Variants in CD83 observed in about 807,000 individuals in gnomAD.
CD83 encodes CD83 molecule.
A neutral mutation model predicts 24.6 loss-of-function variants in CD83; 22 were observed. That is an observed-to-expected ratio of 0.90 (90% confidence interval 0.64 to 1.28). The LOEUF (loss-of-function observed/expected upper bound fraction) is 1.28. Ranked by LOEUF, CD83 falls within the 50% of genes most tolerant of loss-of-function variation. CD83 has a pLI of 0.00. For missense variants in CD83, 253 were observed against 252.8 expected, an observed-to-expected ratio of 1.00 and a Z score of -0.01; for synonymous variants, 101 against 103.5, an observed-to-expected ratio of 0.98 and a Z score of 0.14.
At chr6:14,118,606 T>C in intron 2 of CD83, among the ~76,000 whole-genome samples, 1 of 152,196 alleles carries the variant, frequency 6.6e-6, no homozygotes, top group East Asian at 1.9e-4. Flanking sequence ...CTTTGTGGGA[T>C]ACCCTTGGCT....
At chr6:14,119,451 A>G (rs763694547) in intron 2 of CD83, among the ~76,000 whole-genome samples, 10 of 152,240 alleles carry the variant, frequency 6.6e-5, no homozygotes, top group South Asian at 2.1e-4. Context: ...ATATTTACAT[A>G]CATTATCCAT....
intron 2 of CD83, among the ~76,000 whole-genome samples, chr6:14,127,454 A>T (rs1759845750): frequency 6.6e-6 from 1 of 151,944 alleles, no homozygotes; most frequent in Non-Finnish European, 1.5e-5. Flanking sequence ...AAAAAAAAAC[A>T]CTTTCCACAA....
rs1021637656 is a variant in CD83, at chr6:14,129,181, A to G, written c.154-2339A>G. On this transcript the variant is annotated intron_variant, in intron 2 of 4. Coordinates refer to ENST00000379153, the MANE Select transcript of CD83 (RefSeq NM_004233.4). The surrounding 1 kb of genome is among the most constrained non-coding windows in gnomAD (Gnocchi z 4.3). ...CTCGCATTTGGAGGTTAATTTAGAA[A>G]AAGAAAAGCAAGATTGGACATCGGA... Among the ~76,000 whole-genome samples the G allele has an allele frequency of 6.6e-6, 1 of 152,194 alleles. No individual in the cohort carries two copies. Among genetic ancestry groups the G allele is most frequent in the Non-Finnish European group, 1.5e-5 (1 of 68,024 alleles).
rs1757977128 is a variant in CD83, at chr6:14,133,642, T to C, written c.383-7T>C. ...AATGGCTTCACATGTCGCTTACTTT[T>C]TTAAAGGATGCCCTGCACAGCGTAA... On this transcript the variant is annotated splice_region_variant and splice_polypyrimidine_tract_variant and intron_variant, in intron 3 of 4. Coordinates refer to ENST00000379153, the MANE Select transcript of CD83 (RefSeq NM_004233.4). The C allele has an allele frequency of 4.4e-6, 7 of 1,575,654 alleles. No homozygotes were observed. The highest frequency in any genetic ancestry group is 5.2e-6 in the Non-Finnish European group (6 of 1,160,112).
At chr6:14,131,913 G>A (rs193172464) in intron 3 of CD83, among the ~76,000 whole-genome samples, 165 bp downstream of exon 3, 2 of 152,312 alleles carry the variant, frequency 1.3e-5, no homozygotes, top group Non-Finnish European at 1.5e-5. Flanking sequence ...TTCTCTTTCT[G>A]TGGCTTAAAT....
intron 2 of CD83, among the ~76,000 whole-genome samples, chr6:14,128,345 C>T (rs1296806051): frequency 6.6e-6 from 1 of 152,194 alleles, no homozygotes; most frequent in East Asian, 1.9e-4. Context: ...CCATTCTGAG[C>T]ATGCAACATT....
rs761232639 is a variant in CD83, at chr6:14,135,255, C to A, written c.*19C>A. On this transcript the variant is annotated 3_prime_UTR_variant, in exon 5 of 5. Coordinates refer to ENST00000379153, the MANE Select transcript of CD83 (RefSeq NM_004233.4). ...GGTATGAGCAGGATTTCTGCAGGTT[C>A]TTCTTCCTGAAGCTGAGGCTCAGGG... 38 of 1,612,178 alleles carry A rather than the reference C, an allele frequency of 2.4e-5. No individual in the cohort carries two copies. The East Asian group carries it at 8.3e-4, about 35-fold the overall frequency.
At chr6:14,123,326 T>C (rs1759714815) in intron 2 of CD83, among the ~76,000 whole-genome samples, 1 of 152,112 alleles carries the variant, frequency 6.6e-6, no homozygotes, top group Non-Finnish European at 1.5e-5. Flanking sequence ...CTCGAGCTCC[T>C]GACCTCAGGT....
At chr6:14,131,882 C>T (rs374088981) in intron 3 of CD83, 134 bp downstream of exon 3, 18 of 637,776 alleles carry the variant, frequency 2.8e-5, no homozygotes, top group African/African-American at 2.7e-4. Context: ...AGTGGAAATC[C>T]GCTGCAAGCA....
chr6:14,124,658 T>C (rs1759744554), intron 2 of CD83, among the ~76,000 whole-genome samples: 1 of 152,128 alleles, frequency 6.6e-6, no homozygotes, highest in African/African-American at 2.4e-5. Flanking sequence ...TTAGGAGTCT[T>C]TCAGTTGTGA....
At chr6:14,119,861 G>A (rs116178889) in intron 2 of CD83, among the ~76,000 whole-genome samples, 68 of 152,328 alleles carry the variant, frequency 4.5e-4, no homozygotes, top group African/African-American at 1.5e-3. Context: ...TTCAGGCTGT[G>A]AAGTTCAAAC....
In CD83 at chr6:14,133,664, G is replaced by T. The variant is rs180756952; in HGVS notation, c.398G>T (p.Arg133Leu). The T allele has an allele frequency of 6.2e-7, 1 of 1,612,340 alleles. No homozygotes were observed. The highest frequency in any genetic ancestry group is 8.5e-7 in the Non-Finnish European group (1 of 1,178,726). Reference sequence around the variant, plus strand: ...TTTTTTAAAGGATGCCCTGCACAGCGTAAAGAAGAGACTTTTAAGAAATAC... The same window carrying T: ...TTTTTTAAAGGATGCCCTGCACAGCTTAAAGAAGAGACTTTTAAGAAATAC... The part of the protein sequence containing the change: ...ILRVTGCPAQ[R>L]KEETFKKYRA... The change falls in exon 4 of 5, where the codon CGT (arginine) becomes CTT (leucine). Residue 133 changes from arginine to leucine, a missense_variant. Arg to Leu is a moderately radical substitution (Grantham distance 102, BLOSUM62 -2). Transcript: ENST00000379153.
intron 3 of CD83, among the ~76,000 whole-genome samples, chr6:14,133,210 G>A (rs372340481): frequency 6.0e-4 from 92 of 152,344 alleles, no homozygotes; most frequent in African/African-American, 2.1e-3. Context: ...CAGTGATGAA[G>A]TTAAGATAAT....
At chr6:14,134,830 T>C (rs1758005961) in intron 4 of CD83, among the ~76,000 whole-genome samples, 1 of 152,260 alleles carries the variant, frequency 6.6e-6, no homozygotes, top group African/African-American at 2.4e-5. Flanking sequence ...CTTTAGCTTC[T>C]TGTTGGAAAA....
chr6:14,119,066 A>G (rs1759611622), intron 2 of CD83, among the ~76,000 whole-genome samples: 1 of 152,238 alleles, frequency 6.6e-6, no homozygotes, highest in South Asian at 2.1e-4. Context: ...AGTACAAGGC[A>G]TCATTGCGGT....
Position 14,135,100 on chromosome 6 carries a change from C to A in CD83, c.490-8C>A. The A allele has an allele frequency of 6.2e-7, 1 of 1,613,100 alleles. No homozygotes were observed. Among genetic ancestry groups the A allele is most frequent in the South Asian group, 1.1e-5 (1 of 91,028 alleles). On this transcript the variant is annotated splice_polypyrimidine_tract_variant and splice_region_variant and intron_variant, in intron 4 of 4. Transcript: ENST00000379153. The stretch of plus-strand genomic sequence containing the variant: ...TATTCACTTCACATTTCTTTCATTT[C>A]TTTTTAGAAGTTTGCACGGCTACAG...
At chr6:14,119,770 A>G (rs547476872) in intron 2 of CD83, among the ~76,000 whole-genome samples, 2 of 152,364 alleles carry the variant, frequency 1.3e-5, no homozygotes, top group Non-Finnish European at 2.9e-5. Flanking sequence ...CCTTCCAGAG[A>G]GTAACTATTT....
chr6:14,125,108 G>A (rs549468483), intron 2 of CD83, among the ~76,000 whole-genome samples: 1 of 152,312 alleles, frequency 6.6e-6, no homozygotes, highest in East Asian at 1.9e-4. Context: ...CTCCCCTAAA[G>A]CCTTCAGAGA....
chr6:14,130,587 A>G (rs2113400198), intron 2 of CD83, among the ~76,000 whole-genome samples: 1 of 152,268 alleles, frequency 6.6e-6, no homozygotes, highest in South Asian at 2.1e-4. Context: ...AAAATTAGCC[A>G]GGTGTGGTGG....
Sources: gnomAD v4.1 joint callset for allele counts (sites outside exome capture counted in the v4.1 genomes callset) on GRCh38, gnomAD v4.1.1 for gene constraint, Gnocchi (gnomAD v3.1) non-coding constraint, MANE v1.5 for transcripts, NCBI Gene and HGNC (gene_info 2026-07-23, HGNC 2026-07-21) for gene names.